Variants in MAN1A1 observed in about 807,000 individuals in gnomAD.
The protein encoded by MAN1A1 is mannosidase alpha class 1A member 1.
Under a neutral mutation model 70.8 loss-of-function variants are expected in MAN1A1, and 29 were observed. The ratio of observed to expected loss-of-function variants is 0.41; its 90% CI spans 0.31 to 0.56. The LOEUF (loss-of-function observed/expected upper bound fraction) is 0.56. MAN1A1 is among the 20% of genes least tolerant of loss of function. The pLI is 0.29. For synonymous variants in MAN1A1, 349 were observed against 330.1 expected (o/e 1.06, Z -0.62); for missense variants, 747 against 841.3 (o/e 0.89, Z 1.39).
intron 5 of MAN1A1, among the ~76,000 whole-genome samples, chr6:119,251,514 A>C (rs1191601120): frequency 2.0e-5 from 3 of 152,218 alleles, no homozygotes; most frequent in Non-Finnish European, 4.4e-5. Flanking sequence ...AGTCAAGTCC[A>C]GGCCAAGACT....
At chr6:119,300,132 C>T (rs1398742948) in intron 4 of MAN1A1, among the ~76,000 whole-genome samples, 1 of 152,132 alleles carries the variant, frequency 6.6e-6, no homozygotes, top group Admixed American at 6.6e-5. Flanking sequence ...TATTCCCCTA[C>T]CCTTTCTTGA....
At chr6:119,270,035 C>T (rs1384764685) in intron 5 of MAN1A1, among the ~76,000 whole-genome samples, 1 of 152,210 alleles carries the variant, frequency 6.6e-6, no homozygotes, top group East Asian at 1.9e-4. Flanking sequence ...ACTCAAAATT[C>T]TCATTTTTGG....
intron 6 of MAN1A1, among the ~76,000 whole-genome samples, chr6:119,223,993 G>T (rs1281408278): frequency 6.6e-6 from 1 of 152,130 alleles, no homozygotes; most frequent in African/African-American, 2.4e-5. Flanking sequence ...AAAAAAATCT[G>T]ATTTTAAAAA....
upstream of MAN1A1, among the ~76,000 whole-genome samples, chr6:119,350,169 C>A (rs1336776368): frequency 6.6e-6 from 1 of 152,162 alleles, no homozygotes; most frequent in Non-Finnish European, 1.5e-5. Context: ...TCCTCCGACC[C>A]GTGCGGGGCG....
At chr6:119,181,829 A>T (rs1773161358) in intron 11 of MAN1A1, among the ~76,000 whole-genome samples, 1 of 152,242 alleles carries the variant, frequency 6.6e-6, no homozygotes, top group African/African-American at 2.4e-5. Context: ...GATATACACC[A>T]TCTTCTGTGG....
chr6:119,329,837 C>G (rs1773260392), intron 2 of MAN1A1, among the ~76,000 whole-genome samples: 1 of 152,198 alleles, frequency 6.6e-6, no homozygotes, highest in Admixed American at 6.5e-5. Context: ...AGCTGCTACC[C>G]TGAATACTGC....
intron 8 of MAN1A1, 66 bp from the exon 9 acceptor site, chr6:119,193,958 A>G (rs1446839501): frequency 1.2e-5 from 11 of 918,704 alleles, no homozygotes; most frequent in Non-Finnish European, 1.6e-5. Flanking sequence ...CAGCAAAATC[A>G]CATTAGCAAC....
At chr6:119,268,686 A>C (rs1775826934) in intron 5 of MAN1A1, among the ~76,000 whole-genome samples, 2 of 151,960 alleles carry the variant, frequency 1.3e-5, no homozygotes, top group Admixed American at 1.3e-4. Context: ...TCCCGGGCTT[A>C]GGTGACCTTC....
rs189455516 is a variant in MAN1A1, at chr6:119,298,217, G to T, written c.816+3771C>A. ...TAGGGTTTTCTGCTAATATCTATGT[G>T]CCTCTACAGATACTTGAACTGAATA... On this transcript the variant is annotated intron_variant, in intron 4 of 12. Transcript: ENST00000368468. Among the ~76,000 whole-genome samples the T allele has an allele frequency of 1.3e-3, 204 of 152,230 alleles. 1 individual carries two copies. The highest frequency in any genetic ancestry group is 4.8e-3 in the African/African-American group (200 of 41,524).
chr6:119,271,026 A>T (rs1488830721), intron 5 of MAN1A1, among the ~76,000 whole-genome samples: 2 of 152,184 alleles, frequency 1.3e-5, no homozygotes, highest in African/African-American at 4.8e-5. Flanking sequence ...ATATTTTTCC[A>T]GGGGAAAAAG....
At chr6:119,192,589 A>G (rs907595618) in intron 9 of MAN1A1, among the ~76,000 whole-genome samples, 2 of 152,190 alleles carry the variant, frequency 1.3e-5, no homozygotes, top group Non-Finnish European at 2.9e-5. Context: ...TAATGGCTAC[A>G]TCTTTGGGAT....
chr6:119,279,057 TC>T (rs765111356), intron 5 of MAN1A1, among the ~76,000 whole-genome samples: 1 of 151,656 alleles, frequency 6.6e-6, no homozygotes, highest in Admixed American at 6.6e-5. Context: ...TCTGGCAAAA[TC>T]CCCCCTCAAC....
chr6:119,240,150 T>C, intron 6 of MAN1A1, among the ~76,000 whole-genome samples: 1 of 152,122 alleles, frequency 6.6e-6, no homozygotes, highest in East Asian at 1.9e-4. Context: ...TGCCCAAAAT[T>C]GAAGGGTGAG....
intron 2 of MAN1A1, among the ~76,000 whole-genome samples, chr6:119,313,912 T>G (rs774279691): frequency 4.2e-5 from 6 of 144,008 alleles, no homozygotes; most frequent in Non-Finnish European, 9.0e-5. Context: ...AAAACGAGAG[T>G]CAAGCCCCTC....
intron 2 of MAN1A1, among the ~76,000 whole-genome samples, chr6:119,321,817 A>C (rs1453296895): frequency 6.6e-6 from 1 of 151,834 alleles, no homozygotes; most frequent in Non-Finnish European, 1.5e-5. Context: ...CAGGATTTTG[A>C]CATGTTGGCC....
chr6:119,186,665 G>T (rs148476173), intron 11 of MAN1A1, among the ~76,000 whole-genome samples: 1 of 152,278 alleles, frequency 6.6e-6, no homozygotes, highest in Non-Finnish European at 1.5e-5. Context: ...TTCTTTTCCT[G>T]ACATGGTTTC....
chr6:119,232,161 A>G (rs1037457889), intron 6 of MAN1A1, among the ~76,000 whole-genome samples: 5 of 152,032 alleles, frequency 3.3e-5, no homozygotes, highest in African/African-American at 4.8e-5. Context: ...TCACGAGGTC[A>G]GGAGATCGAG....
intron 3 of MAN1A1, among the ~76,000 whole-genome samples, chr6:119,302,735 C>A (rs1772426103): frequency 6.6e-6 from 1 of 152,130 alleles, no homozygotes; most frequent in African/African-American, 2.4e-5. Flanking sequence ...GAGCAACAGA[C>A]TTTTTAAGAC....
chr6:119,320,803 T>G (rs1240012248), intron 2 of MAN1A1, among the ~76,000 whole-genome samples: 1 of 152,198 alleles, frequency 6.6e-6, no homozygotes, highest in Non-Finnish European at 1.5e-5. Flanking sequence ...CTATATTTCT[T>G]GGTATAAACC....
Sources: gnomAD v4.1 joint callset for allele counts (sites outside exome capture counted in the v4.1 genomes callset) on GRCh38, gnomAD v4.1.1 for gene constraint, MANE v1.5 for transcripts, NCBI Gene and HGNC (gene_info 2026-07-23, HGNC 2026-07-21) for gene names.